Variants in CDC123 observed in about 807,000 individuals in gnomAD.
CDC123 encodes translation initiation factor eIF2 assembly protein.
A neutral mutation model predicts 54.4 loss-of-function variants in CDC123; 37 were observed. That is an observed-to-expected ratio of 0.68 (90% confidence interval 0.52 to 0.89). The LOEUF (loss-of-function observed/expected upper bound fraction) is 0.89. CDC123 is among the 40% of genes least tolerant of loss of function. CDC123 has a pLI of 0.00. For missense variants in CDC123, 361 were observed against 412.1 expected (o/e 0.88, Z 1.07); for synonymous variants, 144 against 136.8 (o/e 1.05, Z -0.37).
intron 8 of CDC123, among the ~76,000 whole-genome samples, chr10:12,236,927 T>C (rs752883268): frequency 6.6e-6 from 1 of 151,938 alleles, no homozygotes; most frequent in Non-Finnish European, 1.5e-5. Context: ...AAACAAAAAG[T>C]AAATTCTTCC....
chr10:12,211,725 C>T (rs941048838), intron 4 of CDC123, among the ~76,000 whole-genome samples: 1 of 152,200 alleles, frequency 6.6e-6, no homozygotes, highest in Non-Finnish European at 1.5e-5. Flanking sequence ...GCAGTTACAG[C>T]TGAGGGCACC....
At chr10:12,220,772 T>C (rs1835725211) in intron 6 of CDC123, among the ~76,000 whole-genome samples, 1 of 152,068 alleles carries the variant, frequency 6.6e-6, no homozygotes, top group African/African-American at 2.4e-5. Flanking sequence ...GGTCAGGAGA[T>C]CCAGATCATC....
At chr10:12,235,153 C>T in intron 8 of CDC123, 30 bp downstream of exon 8, 1 of 1,544,060 alleles carries the variant, frequency 6.5e-7, no homozygotes, top group Non-Finnish European at 8.9e-7. Flanking sequence ...TTTGTTTTAT[C>T]CTTCAAAGTC....
chr10:12,237,163 C>T lies in CDC123; in HGVS notation c.585C>T (p.Tyr195=). 6.4e-7 allele frequency: 1 copy of T among 1,554,848 alleles called. No individual in the cohort carries two copies. ...TGTCAGGTATTTCTCAAAGAGACTA[C>T]ACACAATACTATGATCATATTTCTA... ...NKLIGISQRD[Y]TQYYDHISKQ... Residue 195 remains tyrosine, a synonymous_variant, in exon 9 of 13, where the codon TAC becomes TAT. Transcript: ENST00000281141.
intron 5 of CDC123, among the ~76,000 whole-genome samples, chr10:12,216,114 A>G (rs996574667): frequency 2.0e-5 from 3 of 152,192 alleles, no homozygotes; most frequent in African/African-American, 7.2e-5. Context: ...GCCCTTTTCA[A>G]AACTTCAGCT....
At chr10:12,245,620 T>C (rs1836122159) in intron 10 of CDC123, 1 of 152,040 alleles carries the variant, frequency 6.6e-6, no homozygotes, top group Non-Finnish European at 1.5e-5. Flanking sequence ...CGTTATCTCT[T>C]AGGCAGAGCT....
rs11257619 is a variant in CDC123, at chr10:12,249,145, T to A, written c.847-436T>A. ...TTTGCCTCAAAAAAAAAAAAAAAAATAGTTTGGCATGGGTGCAACAGCCCA... is the reference window on the plus strand; with the variant it reads ...TTTGCCTCAAAAAAAAAAAAAAAAAAAGTTTGGCATGGGTGCAACAGCCCA... On this transcript the variant is annotated intron_variant, in intron 11 of 12. Transcript: ENST00000281141. Among the ~76,000 whole-genome samples the A allele has an allele frequency of 1.0e-3, 152 of 145,686 alleles. 2 individuals are homozygous for A. In the East Asian group the frequency reaches 0.018, roughly 17 times the overall value.
chr10:12,215,459 C>T (rs1336901241), intron 4 of CDC123, among the ~76,000 whole-genome samples: 2 of 152,152 alleles, frequency 1.3e-5, no homozygotes, highest in Non-Finnish European at 1.5e-5. Flanking sequence ...CCATTCACTC[C>T]TTCCTCACAT....
Position 12,226,893 on chromosome 10 carries a change from G to C in CDC123, c.441-4055G>C, listed in dbSNP as rs536378255. Among the ~76,000 whole-genome samples the C allele has an allele frequency of 2.6e-5, 4 of 152,282 alleles. No homozygotes were observed. The South Asian group carries it at 8.3e-4, about 32-fold the overall frequency. On this transcript the variant is annotated intron_variant, in intron 6 of 12. Coordinates refer to ENST00000281141, the MANE Select transcript of CDC123 (RefSeq NM_006023.3). ...GGCTGCAATCTCGGCACTTTGGGAG[G>C]CGAAGGCAGGCGGCTGGGAGGTGGA...
In CDC123 at chr10:12,250,485, G is replaced by T; in HGVS notation, c.*148G>T. 1 of 705,578 alleles carries T rather than the reference G, an allele frequency of 1.4e-6. No homozygotes were observed. The allele number at this position is 705,578 out of a possible 1,614,324, so 43.7% of individuals were successfully genotyped here. ...TTATATTCATGTACATTCACCTGGG[G>T]AAAAAAACGGAGGGACTTTGCTACT... On this transcript the variant is annotated 3_prime_UTR_variant, in exon 13 of 13. Coordinates refer to ENST00000281141, the MANE Select transcript of CDC123 (RefSeq NM_006023.3).
chr10:12,215,680 T>C, intron 4 of CDC123, 60 bp from the exon 5 acceptor site: 1 of 909,496 alleles, frequency 1.1e-6, no homozygotes, highest in South Asian at 2.0e-5. Context: ...ATTTTGATCT[T>C]GTTTTATATA....
intron 4 of CDC123, among the ~76,000 whole-genome samples, chr10:12,213,875 T>C (rs995301427): frequency 6.6e-6 from 1 of 152,152 alleles, no homozygotes; most frequent in African/African-American, 2.4e-5. Context: ...GAAAAGACAA[T>C]TGGACCTCTT....
At chr10:12,231,159 A>C (rs1835897758) in intron 7 of CDC123, among the ~76,000 whole-genome samples, 163 bp downstream of exon 7, 1 of 152,216 alleles carries the variant, frequency 6.6e-6, no homozygotes, top group Non-Finnish European at 1.5e-5. Flanking sequence ...AAAAGGATAT[A>C]TATTATATAT....
At chr10:12,220,799 A>C (rs532411074) in intron 6 of CDC123, among the ~76,000 whole-genome samples, 15 of 152,226 alleles carry the variant, frequency 9.9e-5, no homozygotes, top group African/African-American at 3.4e-4. Flanking sequence ...AACACGGTGA[A>C]ACCCCGTCTC....
intron 10 of CDC123, among the ~76,000 whole-genome samples, chr10:12,243,636 T>G (rs1002114598): frequency 3.3e-5 from 5 of 151,628 alleles, no homozygotes; most frequent in African/African-American, 1.2e-4. Context: ...TACAAAAAAT[T>G]AGCTGGGCGT....
In CDC123 at chr10:12,249,863, C is replaced by A. The variant is rs986712393; in HGVS notation, c.984+145C>A. 1.0e-5 allele frequency: 11 copies of A among 1,072,850 alleles called. No homozygotes were observed. In the African/African-American group the frequency reaches 1.8e-4, roughly 17 times the overall value. The allele number at this position is 1,072,850 out of a possible 1,614,324, so 66.5% of individuals were successfully genotyped here. A position where few individuals can be genotyped will look rare whatever the true frequency, so the allele number is the denominator to read the frequency against. On this transcript the variant is annotated intron_variant, in intron 12 of 12. Coordinates refer to ENST00000281141, the MANE Select transcript of CDC123 (RefSeq NM_006023.3). Reference sequence around the variant, plus strand: ...CCAAGTTACTGAGTTAGAGCATTTTCTAATTAAATATGAAATAGGAGCTGA... The same window carrying A: ...CCAAGTTACTGAGTTAGAGCATTTTATAATTAAATATGAAATAGGAGCTGA...
At chr10:12,233,992 C>A (rs1835941356) in intron 7 of CDC123, among the ~76,000 whole-genome samples, 1 of 152,034 alleles carries the variant, frequency 6.6e-6, no homozygotes, top group East Asian at 1.9e-4. Context: ...TTTGGTGATT[C>A]ATTGTGACAA....
chr10:12,210,158 A>G (rs1835578219), intron 3 of CDC123, 132 bp from the exon 4 acceptor site: 6 of 1,426,140 alleles, frequency 4.2e-6, no homozygotes, highest in African/African-American at 1.4e-5. Context: ...TTTGACATAT[A>G]TTTTCACATA....
At chr10:12,201,217 A>G (rs925022447) in intron 2 of CDC123, among the ~76,000 whole-genome samples, 1 of 152,258 alleles carries the variant, frequency 6.6e-6, no homozygotes, top group African/African-American at 2.4e-5. Context: ...GTGATAATAC[A>G]TAAAATGTTC....
Sources: allele counts gnomAD v4.1 joint callset (sites outside exome capture counted in the v4.1 genomes callset), GRCh38; gene constraint gnomAD v4.1.1; transcripts MANE v1.5; gene names NCBI Gene and HGNC (gene_info 2026-07-23, HGNC 2026-07-21).